Variants in MCTP1 observed in about 807,000 individuals in gnomAD.
MCTP1 encodes multiple C2 and transmembrane domain containing 1.
MCTP1 carries 69 observed loss-of-function variants against 120.6 expected under a neutral mutation model. The observed-to-expected ratio is 0.57, with a 90% CI of 0.47 to 0.70. The LOEUF is 0.70. Among genes scored for constraint, MCTP1 ranks in the 30% least tolerant of loss-of-function variants. MCTP1 has a pLI of 0.00. For missense variants in MCTP1, 1,203 were observed against 1,248.8 expected, an observed-to-expected ratio of 0.96 and a Z score of 0.55; for synonymous variants, 529 against 493.1, an observed-to-expected ratio of 1.07 and a Z score of -0.96.
rs748427463 is a variant in MCTP1, at chr5:95,284,022, C to T, written c.554G>A (p.Arg185Gln). The T allele has an allele frequency of 6.7e-7, 1 of 1,498,320 alleles. No individual in the cohort carries two copies. The highest frequency in any genetic ancestry group is 8.9e-7 in the Non-Finnish European group (1 of 1,126,846). 92.8% of individuals were successfully genotyped at this position (1,498,320 alleles called of 1,614,324 possible). A position where few individuals can be genotyped will look rare whatever the true frequency, so the allele number is the denominator to read the frequency against. ...RGDRARDEGA[R>Q]RQGPGAHLCH... is the part of the protein sequence containing the mutation. The stretch of plus-strand genomic sequence containing the variant: ...CAAGTGCGCCCCGGGGCCCTGACGC[C>T]GTGCACCCTCATCTCGGGCGCGGTC... The change falls in exon 1 of 23, where the codon CGG becomes CAG. Residue 185 changes from arginine to glutamine, a missense_variant. This residue lies in a region of MCTP1 where 463 missense variants were observed against 377.8 expected (regional missense o/e 1.23). Transcript: ENST00000515393. This position sits in a 1 kb window ranked among gnomAD's most constrained non-coding sequence, Gnocchi z 5.2.
chr5:95,254,385 C>T (rs115299221), intron 1 of MCTP1, among the ~76,000 whole-genome samples: 110 of 152,098 alleles, frequency 7.2e-4, no homozygotes, highest in African/African-American at 2.6e-3. Flanking sequence ...TCAGGAACAC[C>T]GTGAATAAAT....
At chr5:94,806,247 T>C (rs1782257499) in intron 17 of MCTP1, among the ~76,000 whole-genome samples, 1 of 151,912 alleles carries the variant, frequency 6.6e-6, no homozygotes, top group Non-Finnish European at 1.5e-5. Flanking sequence ...AAGGCAAAGA[T>C]TGGAAACTGA....
At chr5:95,021,023 A>G (rs552614156) in intron 1 of MCTP1, among the ~76,000 whole-genome samples, 59 of 152,186 alleles carry the variant, frequency 3.9e-4, no homozygotes, top group African/African-American at 1.3e-3. Flanking sequence ...CTTGATTATT[A>G]TCGCATTTGT....
At chr5:95,076,918 G>A (rs565386624) in intron 1 of MCTP1, among the ~76,000 whole-genome samples, 1 of 152,162 alleles carries the variant, frequency 6.6e-6, no homozygotes, top group Admixed American at 6.5e-5. Context: ...GCTTGATCAA[G>A]TATTTTTACA....
At chr5:95,242,777 G>A (rs1756311522) in intron 1 of MCTP1, among the ~76,000 whole-genome samples, 1 of 152,170 alleles carries the variant, frequency 6.6e-6, no homozygotes, top group Non-Finnish European at 1.5e-5. Context: ...GGGAGCACAA[G>A]GAAATTTTCT....
chr5:94,769,343 A>AT (rs2152892724), intron 19 of MCTP1, among the ~76,000 whole-genome samples: 1 of 152,324 alleles, frequency 6.6e-6, no homozygotes, highest in African/African-American at 2.4e-5. Context: ...CTAACAATTT[A>AT]TATTTCAAAA....
At chr5:94,973,681 GGGT>G (rs1827409544) in intron 2 of MCTP1, among the ~76,000 whole-genome samples, 1 of 152,072 alleles carries the variant, frequency 6.6e-6, no homozygotes, top group Non-Finnish European at 1.5e-5. Flanking sequence ...GCCTAAAACT[GGGT>G]GTCTTTCTGC....
intron 1 of MCTP1, among the ~76,000 whole-genome samples, chr5:95,136,747 C>T (rs1759479578): frequency 6.6e-6 from 1 of 152,124 alleles, no homozygotes; most frequent in Non-Finnish European, 1.5e-5. Context: ...ATTTGTGTAC[C>T]TGGTCCAGAA....
At chr5:94,932,057 T>A in intron 5 of MCTP1, 66 bp from the exon 6 acceptor site, 1 of 1,123,584 alleles carries the variant, frequency 8.9e-7, no homozygotes, top group Non-Finnish European at 1.3e-6. Context: ...AGCCAGTTGT[T>A]TTTTAGCGGA....
chr5:95,170,165 T>C (rs1029652757), intron 1 of MCTP1, among the ~76,000 whole-genome samples: 4 of 152,254 alleles, frequency 2.6e-5, no homozygotes, highest in Non-Finnish European at 5.9e-5. Flanking sequence ...CATTTCGTTA[T>C]GTAGCCAGTA....
Position 94,865,267 on chromosome 5 carries a change from GA to G in MCTP1, c.2436+3065del, listed in dbSNP as rs199646403. 2.6e-4 allele frequency among the ~76,000 whole-genome samples: 38 copies of G among 144,926 alleles called. No homozygotes were observed. In the East Asian group the frequency reaches 4.6e-3, roughly 18 times the overall value. ...CTACTTCAATTGACATAGGGATTAA[GA>G]AAAAAAAAAGATTGTTTTTTACTTT... On this transcript the variant is annotated intron_variant, in intron 17 of 22. Coordinates refer to ENST00000515393, the MANE Select transcript of MCTP1 (RefSeq NM_024717.7).
intron 10 of MCTP1, among the ~76,000 whole-genome samples, chr5:94,906,369 C>T (rs1806923791): frequency 6.6e-6 from 1 of 152,030 alleles, no homozygotes; most frequent in Non-Finnish European, 1.5e-5. Flanking sequence ...GCTTGTGGTC[C>T]CAGCTACTCA....
chr5:95,085,547 C>T (rs1017894187), intron 1 of MCTP1, among the ~76,000 whole-genome samples: 1 of 151,776 alleles, frequency 6.6e-6, no homozygotes, highest in Admixed American at 6.6e-5. Context: ...TAATTTATTG[C>T]TATTATCAAA....
chr5:94,927,592 A>AT (rs561702877), intron 6 of MCTP1, among the ~76,000 whole-genome samples: 2 of 152,042 alleles, frequency 1.3e-5, no homozygotes, highest in African/African-American at 2.4e-5. Context: ...TCAGGATATA[A>AT]TTTTTTTGTG....
chr5:95,224,749 A>G (rs144524917), intron 1 of MCTP1, among the ~76,000 whole-genome samples: 66 of 152,262 alleles, frequency 4.3e-4, no homozygotes, highest in African/African-American at 1.3e-3. Context: ...GGCTAAAGCA[A>G]TCTTCCTGCT....
intron 1 of MCTP1, among the ~76,000 whole-genome samples, chr5:95,030,683 A>C (rs1840118380): frequency 6.6e-6 from 1 of 152,238 alleles, no homozygotes; most frequent in Non-Finnish European, 1.5e-5. Flanking sequence ...AAAGTCTCAT[A>C]GAAATGATGG....
chr5:94,873,345 A>C (rs1402963294), intron 12 of MCTP1, 104 bp from the exon 13 acceptor site: 1 of 582,638 alleles, frequency 1.7e-6, no homozygotes, highest in Non-Finnish European at 3.0e-6. Context: ...TATAGTAAAC[A>C]AAAAAGTGAA....
At chr5:95,145,572 A>G (rs1760315962) in intron 1 of MCTP1, among the ~76,000 whole-genome samples, 3 of 152,182 alleles carry the variant, frequency 2.0e-5, no homozygotes, top group Admixed American at 1.3e-4. Context: ...TGTGTCTTCA[A>G]TGCATAAGCT....
At chr5:95,186,515 A>G (rs1054712312) in intron 1 of MCTP1, among the ~76,000 whole-genome samples, 2 of 152,204 alleles carry the variant, frequency 1.3e-5, no homozygotes, top group Non-Finnish European at 1.5e-5. Flanking sequence ...GAAATAAAAG[A>G]AAGATAGAAA....
Sources: gnomAD v4.1 joint callset for allele counts (sites outside exome capture counted in the v4.1 genomes callset) on GRCh38, gnomAD v4.1.1 for gene constraint, gnomAD v4.1.1 regional missense constraint, Gnocchi (gnomAD v3.1) non-coding constraint, MANE v1.5 for transcripts, NCBI Gene and HGNC (gene_info 2026-07-23, HGNC 2026-07-21) for gene names.